The following KCNB2 variants were observed in gnomAD, a reference collection of about 807,000 sequenced individuals.
KCNB2 encodes delayed rectifier potassium channel protein.
Under a neutral mutation model 61.5 loss-of-function variants are expected in KCNB2, and 15 were observed. The ratio of observed to expected loss-of-function variants is 0.24; its 90% CI spans 0.16 to 0.38. The LOEUF is 0.38. Ranked by LOEUF, KCNB2 falls within the 10% of genes least tolerant of loss-of-function variation. KCNB2 has a pLI of 1.00. For missense variants in KCNB2, 828 were observed against 1,125.2 expected, an observed-to-expected ratio of 0.74 and a Z score of 3.78; for synonymous variants, 457 against 446.0, an observed-to-expected ratio of 1.02 and a Z score of -0.31.
chr8:72,664,882 A>G (rs867929804), intron 2 of KCNB2, among the ~76,000 whole-genome samples: 9 of 152,200 alleles, frequency 5.9e-5, no homozygotes, highest in Non-Finnish European at 1.2e-4. Context: ...TGTGGAAGCA[A>G]ACCATGTCGA....
chr8:72,891,610 G>A (rs1405379194), intron 2 of KCNB2, among the ~76,000 whole-genome samples: 1 of 152,172 alleles, frequency 6.6e-6, no homozygotes, highest in East Asian at 1.9e-4. Flanking sequence ...TGGCACTTAA[G>A]TACAACACCT....
intron 2 of KCNB2, among the ~76,000 whole-genome samples, chr8:72,725,577 A>G (rs866337080): frequency 0.012 from 788 of 65,624 alleles, 14 homozygotes; most frequent in Middle Eastern, 0.039. Context: ...ATATATATGT[A>G]TATATATATG....
chr8:72,700,948 G>A (rs1807113006), intron 2 of KCNB2, among the ~76,000 whole-genome samples: 2 of 152,146 alleles, frequency 1.3e-5, no homozygotes, highest in Admixed American at 1.3e-4. Context: ...TAGGTAGCTG[G>A]AGGCCATTAC....
chr8:72,646,596 A>G (rs1269425186), intron 2 of KCNB2, among the ~76,000 whole-genome samples: 2 of 152,190 alleles, frequency 1.3e-5, no homozygotes, highest in East Asian at 3.9e-4. Context: ...CCTCGAGGAC[A>G]TTGTGTTGCG....
intron 2 of KCNB2, among the ~76,000 whole-genome samples, chr8:72,728,582 GTAGA>G (rs755412744): frequency 6.6e-6 from 1 of 152,186 alleles, no homozygotes; most frequent in Non-Finnish European, 1.5e-5. Context: ...ACCAGCAGAT[GTAGA>G]TAGATATCTA....
intron 2 of KCNB2, among the ~76,000 whole-genome samples, chr8:72,632,964 A>T (rs1805903434): frequency 6.6e-6 from 1 of 152,180 alleles, no homozygotes; most frequent in Non-Finnish European, 1.5e-5. Context: ...GCAAATTACC[A>T]CAAATTTAGC....
intron 2 of KCNB2, among the ~76,000 whole-genome samples, chr8:72,638,805 GA>G (rs1806008754): frequency 6.6e-6 from 1 of 152,102 alleles, no homozygotes; most frequent in African/African-American, 2.4e-5. Context: ...AGTTATTCTG[GA>G]AAAGCCTGGA....
intron 2 of KCNB2, among the ~76,000 whole-genome samples, chr8:72,780,600 CT>C (rs1808736967): frequency 6.6e-6 from 1 of 152,072 alleles, no homozygotes; most frequent in South Asian, 2.1e-4. Context: ...AAAGTCCACT[CT>C]TTTCTTTATC....
intron 2 of KCNB2, among the ~76,000 whole-genome samples, chr8:72,894,665 C>T (rs1396641608): frequency 6.6e-6 from 1 of 152,146 alleles, no homozygotes; most frequent in Admixed American, 6.5e-5. Flanking sequence ...CAGCAACATC[C>T]TTCCCAATTC....
At chr8:72,934,627 T>G (rs1419968295) in intron 2 of KCNB2, among the ~76,000 whole-genome samples, 1 of 152,090 alleles carries the variant, frequency 6.6e-6, no homozygotes, top group African/African-American at 2.4e-5. Flanking sequence ...ATGCTCAATC[T>G]CTAAATGAAG....
At chr8:72,821,988 C>G (rs1248228938) in intron 2 of KCNB2, among the ~76,000 whole-genome samples, 1 of 152,180 alleles carries the variant, frequency 6.6e-6, no homozygotes, top group African/African-American at 2.4e-5. Context: ...ATCCCCTTTC[C>G]TCCATCCTCT....
chr8:72,648,371 A>G (rs914700970), intron 2 of KCNB2, among the ~76,000 whole-genome samples: 1 of 152,188 alleles, frequency 6.6e-6, no homozygotes, highest in Admixed American at 6.5e-5. Flanking sequence ...CACTGGCCTC[A>G]TGGGATTCTC....
chr8:72,892,905 A>G (rs924443885), intron 2 of KCNB2, among the ~76,000 whole-genome samples: 2 of 152,200 alleles, frequency 1.3e-5, no homozygotes, highest in African/African-American at 4.8e-5. Context: ...AATGTACTTA[A>G]GGAAATGGCC....
intron 1 of KCNB2, among the ~76,000 whole-genome samples, chr8:72,538,390 G>C (rs546147434): frequency 6.6e-6 from 1 of 152,282 alleles, no homozygotes; most frequent in African/African-American, 2.4e-5. Flanking sequence ...CACTCTGCTA[G>C]GGGACTTGGG....
At chr8:72,579,799 A>G (rs1806862056) in intron 2 of KCNB2, among the ~76,000 whole-genome samples, 1 of 152,180 alleles carries the variant, frequency 6.6e-6, no homozygotes, top group Non-Finnish European at 1.5e-5. Flanking sequence ...GTATCATCAG[A>G]GTGTTCTTGC....
chr8:72,775,658 T>C (rs1808637180), intron 2 of KCNB2, among the ~76,000 whole-genome samples: 1 of 151,882 alleles, frequency 6.6e-6, no homozygotes, highest in Admixed American at 6.6e-5. Context: ...CTTTGCCTCC[T>C]GACCCTCCCC....
At position 72,937,359 on chromosome 8, in the gene KCNB2, G is replaced by A; in HGVS notation, c.2004G>A (p.Glu668=). Residue 668 remains glutamate (E), a synonymous_variant, in exon 3 of 3, where the codon GAG becomes GAA. Transcript: ENST00000523207. ...KGPAARDGTL[E]YAPVDITVNL... ...CTGCTGCCAGGGATGGCACGCTGGA[G>A]TATGCCCCAGTTGACATAACTGTGA... 2 of 1,614,078 alleles carry A rather than the reference G, an allele frequency of 1.2e-6. No individual in the cohort carries two copies. Among genetic ancestry groups the A allele is most frequent in the Non-Finnish European group, 1.7e-6 (2 of 1,180,016 alleles).
At chr8:72,783,410 C>G (rs1808796374) in intron 2 of KCNB2, among the ~76,000 whole-genome samples, 1 of 152,158 alleles carries the variant, frequency 6.6e-6, no homozygotes, top group Non-Finnish European at 1.5e-5. Context: ...TCTCTCTGTT[C>G]TTCAAACTGC....
At chr8:72,731,630 T>G (rs1807739319) in intron 2 of KCNB2, among the ~76,000 whole-genome samples, 1 of 152,230 alleles carries the variant, frequency 6.6e-6, no homozygotes, top group Non-Finnish European at 1.5e-5. Context: ...GTGTTCAATG[T>G]GAGTGTGAAC....
Sources: allele counts gnomAD v4.1 joint callset (sites outside exome capture counted in the v4.1 genomes callset), GRCh38; gene constraint gnomAD v4.1.1; transcripts MANE v1.5; gene names NCBI Gene and HGNC (gene_info 2026-07-23, HGNC 2026-07-21).